The following DOK6 variants were observed in gnomAD, a reference collection of about 807,000 sequenced individuals.
DOK6 encodes downstream of tyrosine kinase 6.
A neutral mutation model predicts 44.0 loss-of-function variants in DOK6; 22 were observed. The ratio of observed to expected loss-of-function variants is 0.50; its 90% CI spans 0.36 to 0.71. DOK6 has a LOEUF of 0.71. Among genes scored for constraint, DOK6 ranks in the 30% least tolerant of loss-of-function variants. The pLI, the probability that DOK6 is intolerant of heterozygous loss-of-function variation, is 0.00. For synonymous variants in DOK6, 166 were observed against 145.5 expected (o/e 1.14, Z -1.01); for missense variants, 340 against 416.4 (o/e 0.82, Z 1.60).
Position 69,603,109 on chromosome 18 carries a change from C to T in DOK6, c.289+3611C>T, listed in dbSNP as rs188379106. 1.9e-3 allele frequency among the ~76,000 whole-genome samples: 294 copies of T among 152,322 alleles called. 3 individuals are homozygous for T. Among genetic ancestry groups the T allele is most frequent in the African/African-American group, 6.9e-3 (287 of 41,574 alleles). On this transcript the variant is annotated intron_variant, in intron 3 of 7. Coordinates refer to ENST00000382713, the MANE Select transcript of DOK6 (RefSeq NM_152721.6). ...TAGGTGATTCAGCAGAAGGCTGAGC[C>T]TACCACATGTTCTTTTAGCGAACTG...
intron 5 of DOK6, among the ~76,000 whole-genome samples, chr18:69,709,773 C>T (rs1986717083): frequency 1.3e-5 from 2 of 152,152 alleles, no homozygotes; most frequent in Non-Finnish European, 2.9e-5. Context: ...GTGATAAAAT[C>T]TGTTCTTTCA....
At chr18:69,695,537 A>T (rs1282804539) in intron 4 of DOK6, among the ~76,000 whole-genome samples, 2 of 152,192 alleles carry the variant, frequency 1.3e-5, no homozygotes, top group African/African-American at 4.8e-5. Flanking sequence ...AGCCTTAACA[A>T]ATTTTTCAGT....
rs1568311320 is a variant in DOK6, at chr18:69,612,460, T to TGTGTGCGAGGTCGCATGTGTGCGAGGGC, written c.289+12963_289+12964insTGTGCGAGGTCGCATGTGTGCGAGGGCG. Reference sequence around the variant, plus strand: ...GTGCGAGGGCGCATGTGTGCGAGCGTGCATATGTATTTCTTGCTCTTTTCT... The same window carrying TGTGTGCGAGGTCGCATGTGTGCGAGGGC: ...GTGCGAGGGCGCATGTGTGCGAGCGTGTGTGCGAGGTCGCATGTGTGCGAGGGCGCATATGTATTTCTTGCTCTTTTCT... On this transcript the variant is annotated intron_variant, in intron 3 of 7. Transcript: ENST00000382713. Among the ~76,000 whole-genome samples, 2 of 77,630 alleles carry TGTGTGCGAGGTCGCATGTGTGCGAGGGC rather than the reference T, an allele frequency of 2.6e-5. 1 individual carries two copies. Among genetic ancestry groups the TGTGTGCGAGGTCGCATGTGTGCGAGGGC allele is most frequent in the Non-Finnish European group, 5.3e-5 (2 of 37,506 alleles). The allele number at this position is 77,630 out of a possible 152,430, so 50.9% of individuals were successfully genotyped here.
intron 5 of DOK6, among the ~76,000 whole-genome samples, chr18:69,737,043 T>C (rs1454735847): frequency 6.6e-6 from 1 of 152,218 alleles, no homozygotes; most frequent in Non-Finnish European, 1.5e-5. Context: ...AATTACATTC[T>C]CTAGTATTGG....
chr18:69,849,069 G>A lies in DOK6; in HGVS notation c.*7686G>A, dbSNP rs1213205996. On this transcript the variant is annotated 3_prime_UTR_variant, in exon 8 of 8. Transcript: ENST00000382713. ...CTATTTTGAAAATAAAGTGAAAGAA[G>A]GCCCTTTATTAAATGAAAGGTTACC... 2 of 152,058 alleles carry A rather than the reference G, an allele frequency of 1.3e-5. No individual in the cohort carries two copies. The highest frequency in any genetic ancestry group is 4.8e-5 in the African/African-American group (2 of 41,402). 9.4% of individuals were successfully genotyped at this position (152,058 alleles called of 1,614,324 possible).
Position 69,596,530 on chromosome 18 carries a change from C to T in DOK6, c.175-2854C>T, listed in dbSNP as rs76279139. Among the ~76,000 whole-genome samples the T allele has an allele frequency of 5.7e-3, 867 of 152,160 alleles. 8 individuals carry two copies. Among genetic ancestry groups the T allele is most frequent in the African/African-American group, 0.02 (833 of 41,524 alleles). On this transcript the variant is annotated intron_variant, in intron 2 of 7. Coordinates refer to ENST00000382713, the MANE Select transcript of DOK6 (RefSeq NM_152721.6). Reference sequence around the variant, plus strand: ...TACAAAGGAACCCCAATAAGATTAACATCTGACTTCTCACTAAAAACACTG... The same window carrying T: ...TACAAAGGAACCCCAATAAGATTAATATCTGACTTCTCACTAAAAACACTG...
rs1983903725 is a variant in DOK6, at chr18:69,602,813, A to G, written c.289+3315A>G. Among the ~76,000 whole-genome samples the G allele has an allele frequency of 2.0e-5, 3 of 152,340 alleles. No homozygotes were observed. The Middle Eastern group carries it at 0.01, about 518-fold the overall frequency. ...CTCAAGTATAATAGAAATATAGTGC[A>G]TTATCAAGGATATATTAAAAATTAG... On this transcript the variant is annotated intron_variant, in intron 3 of 7. Coordinates refer to ENST00000382713, the MANE Select transcript of DOK6 (RefSeq NM_152721.6).
At chr18:69,815,803 A>T (rs1222813584) in intron 7 of DOK6, among the ~76,000 whole-genome samples, 1 of 152,140 alleles carries the variant, frequency 6.6e-6, no homozygotes, top group Non-Finnish European at 1.5e-5. Context: ...ATATATATGT[A>T]TATATACAAA....
At chr18:69,685,557 A>G (rs4296345) in intron 4 of DOK6, among the ~76,000 whole-genome samples, 28,962 of 152,104 alleles carry the variant, frequency 0.19, 2,916 homozygotes, top group Admixed American at 0.29. Flanking sequence ...TTGGGTGCAC[A>G]TTAAACAAGG....
At chr18:69,517,336 A>G (rs1042054738) in intron 1 of DOK6, among the ~76,000 whole-genome samples, 10 of 152,286 alleles carry the variant, frequency 6.6e-5, no homozygotes, top group Admixed American at 5.9e-4. Flanking sequence ...AAAAAAAAAC[A>G]TTGTTTTGCT....
In DOK6 at chr18:69,618,707, A is replaced by G. The variant is rs781187364; in HGVS notation, c.289+19209A>G. 5.9e-5 allele frequency: 9 copies of G among 152,242 alleles called. No homozygotes were observed. In the East Asian group the frequency reaches 1.7e-3, roughly 29 times the overall value. The allele number at this position is 152,242 out of a possible 1,614,324, so 9.4% of individuals were successfully genotyped here. A position where few individuals can be genotyped will look rare whatever the true frequency, so the allele number is the denominator to read the frequency against. On this transcript the variant is annotated intron_variant, in intron 3 of 7. Transcript: ENST00000382713. Reference sequence around the variant, plus strand: ...ACTACCATAAGAAGAGTACAACAGTATGGGGGAAACTGCCCTCGTGATTCA... The same window carrying G: ...ACTACCATAAGAAGAGTACAACAGTGTGGGGGAAACTGCCCTCGTGATTCA...
intron 3 of DOK6, among the ~76,000 whole-genome samples, chr18:69,610,763 A>G (rs370550226): frequency 6.6e-6 from 1 of 152,230 alleles, no homozygotes; most frequent in Non-Finnish European, 1.5e-5. Context: ...TTTAAATTGT[A>G]TTACATATTA....
chr18:69,407,200 G>A (rs2122383918), intron 1 of DOK6, among the ~76,000 whole-genome samples: 1 of 152,280 alleles, frequency 6.6e-6, no homozygotes, highest in Middle Eastern at 3.4e-3. Context: ...CTGTTGAGTA[G>A]GACAATTAAG....
intron 7 of DOK6, among the ~76,000 whole-genome samples, chr18:69,826,545 G>T (rs1031800993): frequency 6.6e-6 from 1 of 152,226 alleles, no homozygotes; most frequent in African/African-American, 2.4e-5. Context: ...ACCTAGAAAA[G>T]TGTTCTCCTA....
intron 1 of DOK6, among the ~76,000 whole-genome samples, chr18:69,538,167 G>C (rs965974501): frequency 1.3e-5 from 2 of 152,122 alleles, no homozygotes; most frequent in African/African-American, 4.8e-5. Flanking sequence ...GAATAGAAAT[G>C]TTATGCTGAA....
At chr18:69,498,034 C>T (rs1980942147) in intron 1 of DOK6, among the ~76,000 whole-genome samples, 1 of 151,536 alleles carries the variant, frequency 6.6e-6, no homozygotes, top group East Asian at 1.9e-4. Flanking sequence ...TTAAGCTTAT[C>T]TCTCTCTCTC....
At chr18:69,707,236 A>G (rs1986654827) in intron 5 of DOK6, among the ~76,000 whole-genome samples, 2 of 152,344 alleles carry the variant, frequency 1.3e-5, no homozygotes, top group South Asian at 2.1e-4. Flanking sequence ...GGAAGAATCA[A>G]TATCTTGAAA....
At chr18:69,784,080 G>C (rs1345441003) in intron 7 of DOK6, among the ~76,000 whole-genome samples, 1 of 152,056 alleles carries the variant, frequency 6.6e-6, no homozygotes, top group Non-Finnish European at 1.5e-5. Flanking sequence ...TCAGCTACTC[G>C]GGAAGCTGAG....
At chr18:69,766,646 G>C (rs1236307653) in intron 7 of DOK6, among the ~76,000 whole-genome samples, 1 of 152,156 alleles carries the variant, frequency 6.6e-6, no homozygotes, top group Admixed American at 6.6e-5. Context: ...AGTGGAGGTA[G>C]ATCATTAAAT....
Sources: gnomAD v4.1 joint callset for allele counts (sites outside exome capture counted in the v4.1 genomes callset) on GRCh38, gnomAD v4.1.1 for gene constraint, MANE v1.5 for transcripts, NCBI Gene and HGNC (gene_info 2026-07-23, HGNC 2026-07-21) for gene names.